Variants in TUT4 observed in about 807,000 individuals in gnomAD.
TUT4 encodes terminal uridylyltransferase 4.
A neutral mutation model predicts 192.2 loss-of-function variants in TUT4; 36 were observed. The observed-to-expected ratio is 0.19, with a 90% CI of 0.14 to 0.25. The LOEUF (loss-of-function observed/expected upper bound fraction) is 0.25, where lower values mean the gene tolerates loss of function less well. Among genes scored for constraint, TUT4 ranks in the 10% least tolerant of loss-of-function variants. TUT4 has a pLI of 1.00. For synonymous variants in TUT4, 618 were observed against 666.0 expected (o/e 0.93, Z 1.11); for missense variants, 1,493 against 1,957.2 (o/e 0.76, Z 4.47).
chr1:52,502,392 T>A (rs1272137079), intron 4 of TUT4, among the ~76,000 whole-genome samples: 34 of 152,116 alleles, frequency 2.2e-4, no homozygotes, highest in Admixed American at 2.2e-3. Flanking sequence ...GTAAAACTAA[T>A]CATCCTTCAA....
intron 19 of TUT4, among the ~76,000 whole-genome samples, chr1:52,459,820 T>A (rs901903041): frequency 6.6e-6 from 1 of 151,754 alleles, no homozygotes; most frequent in Non-Finnish European, 1.5e-5. Flanking sequence ...AGGTGGAGGT[T>A]GCAGTGAGCC....
chr1:52,523,408 C>G (rs1009697030), intron 2 of TUT4, among the ~76,000 whole-genome samples: 1 of 152,120 alleles, frequency 6.6e-6, no homozygotes, highest in Non-Finnish European at 1.5e-5. Context: ...GAGTTCAAGA[C>G]CAGCTTAGCC....
intron 1 of TUT4, among the ~76,000 whole-genome samples, chr1:52,537,935 C>T (rs766232730): frequency 6.8e-6 from 1 of 147,518 alleles, no homozygotes; most frequent in Admixed American, 6.8e-5. Flanking sequence ...AATAAATAAA[C>T]AAACAAACTA....
At chr1:52,529,219 CACT>C (rs1353714343) in intron 1 of TUT4, among the ~76,000 whole-genome samples, 3 of 151,944 alleles carry the variant, frequency 2.0e-5, no homozygotes, top group African/African-American at 4.8e-5. Flanking sequence ...TTTTAAACCA[CACT>C]ACATTTTCAC....
Position 52,461,626 on chromosome 1 carries a change from A to G in TUT4, c.3128-10T>C. The stretch of plus-strand genomic sequence containing the variant: ...AAAATGTTTCTTAAACCTAATTTAA[A>G]AAAAAAAGACTTCAGTAGGTTAAAT... On this transcript the variant is annotated splice_polypyrimidine_tract_variant and intron_variant, in intron 17 of 29. Coordinates refer to ENST00000257177, the MANE Select transcript of TUT4 (RefSeq NM_001009881.3). The G allele has an allele frequency of 6.3e-7, 1 of 1,591,050 alleles. No individual in the cohort carries two copies. Among genetic ancestry groups the G allele is most frequent in the Non-Finnish European group, 8.5e-7 (1 of 1,170,926 alleles).
chr1:52,488,854 T>TAA, intron 9 of TUT4, 55 bp downstream of exon 9: 2 of 1,538,110 alleles, frequency 1.3e-6, no homozygotes, highest in Non-Finnish European at 1.7e-6. Flanking sequence ...TTTTGAAGAT[T>TAA]AAATACATTT....
Position 52,424,200 on chromosome 1 carries a change from G to A in TUT4, c.4871-198C>T. ...ATACCTGTATGTGAAAAAAGGAGAG[G>A]ACACGAAAGATGGAGAGGAGGAATC... On this transcript the variant is annotated intron_variant, in intron 29 of 29. Coordinates refer to ENST00000257177, the MANE Select transcript of TUT4 (RefSeq NM_001009881.3). 7 of 557,912 alleles carry A rather than the reference G, an allele frequency of 1.3e-5. No individual in the cohort carries two copies. The South Asian group carries it at 1.4e-4, about 11-fold the overall frequency. The allele number at this position is 557,912 out of a possible 1,614,324, so 34.6% of individuals were successfully genotyped here. A position where few individuals can be genotyped will look rare whatever the true frequency, so the allele number is the denominator to read the frequency against.
intron 9 of TUT4, among the ~76,000 whole-genome samples, chr1:52,485,585 T>A (rs1669583477): frequency 6.6e-6 from 1 of 152,174 alleles, no homozygotes; most frequent in Admixed American, 6.5e-5. Context: ...GTTTTTTGTG[T>A]GTTTTTAATA....
intron 12 of TUT4, among the ~76,000 whole-genome samples, chr1:52,476,501 T>G (rs974031902): frequency 1.3e-5 from 2 of 152,062 alleles, no homozygotes; most frequent in African/African-American, 4.8e-5. Context: ...ATACATATGC[T>G]CTCCACTACT....
rs1648769712 is a variant in TUT4, at chr1:52,423,513, T to A, written c.*422A>T. 1 of 191,780 alleles carries A rather than the reference T, an allele frequency of 5.2e-6. No homozygotes were observed. The highest frequency in any genetic ancestry group is 1.1e-5 in the Non-Finnish European group (1 of 91,028). The allele number at this position is 191,780 out of a possible 1,614,324, so 11.9% of individuals were successfully genotyped here. On this transcript the variant is annotated 3_prime_UTR_variant, in exon 30 of 30. Transcript: ENST00000257177. ...AACACATGAAATTCTTTCCTAACTT[T>A]TAAGAACAATATATAAAGTCTGAAG...
chr1:52,475,167 A>T lies in TUT4; in HGVS notation c.2392T>A (p.Ser798Thr), dbSNP rs1166218418. 6.2e-7 allele frequency: 1 copy of T among 1,614,166 alleles called. No homozygotes were observed. Residue 798 changes from serine to threonine, a missense_variant, in exon 13 of 30, where the codon TCA becomes ACA. By Grantham distance (58) the Ser-to-Thr change is moderately conservative. Transcript: ENST00000257177. ...LDFADHGQDSSSLSTSKSSEI... is the reference protein window; with the variant it reads ...LDFADHGQDSTSLSTSKSSEI... ...CTGCTTTTGCTGGTAGAAAGAGATGAAGAGTCCTGTCCGTGGTCAGCAAAA... is the reference window on the plus strand; with the variant it reads ...CTGCTTTTGCTGGTAGAAAGAGATGTAGAGTCCTGTCCGTGGTCAGCAAAA...
At chr1:52,450,568 T>C (rs1659091843) in intron 20 of TUT4, among the ~76,000 whole-genome samples, 1 of 151,998 alleles carries the variant, frequency 6.6e-6, no homozygotes, top group Non-Finnish European at 1.5e-5. Context: ...GTAAAAATAA[T>C]AATAAAAGCA....
chr1:52,449,431 T>G (rs1658661737), intron 20 of TUT4, among the ~76,000 whole-genome samples: 1 of 152,178 alleles, frequency 6.6e-6, no homozygotes, highest in Admixed American at 6.5e-5. Flanking sequence ...CCCAAGTAGC[T>G]GGGATTACAG....
At chr1:52,508,733 T>A (rs577800769) in intron 4 of TUT4, among the ~76,000 whole-genome samples, 1 of 152,316 alleles carries the variant, frequency 6.6e-6, no homozygotes, top group East Asian at 1.9e-4. Flanking sequence ...AGAAGATACA[T>A]GAGCTAAGAC....
chr1:52,505,905 G>A (rs1675418763), intron 4 of TUT4, among the ~76,000 whole-genome samples: 2 of 151,894 alleles, frequency 1.3e-5, no homozygotes, highest in Admixed American at 1.3e-4. Context: ...GGCACGATCT[G>A]AGCTTACTGC....
intron 16 of TUT4, among the ~76,000 whole-genome samples, chr1:52,464,405 C>T (rs1330533795): frequency 6.6e-6 from 1 of 152,076 alleles, no homozygotes; most frequent in African/African-American, 2.4e-5. Flanking sequence ...CAGGCGCGTG[C>T]CACCATGCCC....
At chr1:52,538,653 A>G (rs1174758228) in intron 1 of TUT4, 1 of 151,644 alleles carries the variant, frequency 6.6e-6, no homozygotes, top group African/African-American at 2.4e-5. Context: ...TCTAAAAAAA[A>G]AAAAAGAAAA....
intron 7 of TUT4, among the ~76,000 whole-genome samples, chr1:52,491,704 T>TAAC (rs10568143): frequency 6.6e-6 from 1 of 151,390 alleles, no homozygotes; most frequent in Non-Finnish European, 1.5e-5. Flanking sequence ...AAAACAAAAA[T>TAAC]AACAACAACA....
intron 4 of TUT4, among the ~76,000 whole-genome samples, chr1:52,500,310 C>T (rs1218307057): frequency 6.6e-6 from 1 of 152,072 alleles, no homozygotes; most frequent in Non-Finnish European, 1.5e-5. Flanking sequence ...CAAAAATTAA[C>T]TCAAAATGGA....
Sources: allele counts gnomAD v4.1 joint callset (sites outside exome capture counted in the v4.1 genomes callset), GRCh38; gene constraint gnomAD v4.1.1; transcripts MANE v1.5; gene names NCBI Gene and HGNC (gene_info 2026-07-23, HGNC 2026-07-21).